Variants in LRRIQ1 observed in about 807,000 individuals in gnomAD.
LRRIQ1 encodes leucine-rich repeat- and IQ domain-containing protein 1.
In LRRIQ1, 210 loss-of-function variants were observed where a neutral mutation model predicts 211.9. The observed-to-expected ratio is 0.99, with a 90% CI of 0.89 to 1.11. The LOEUF is 1.11. LRRIQ1 is among the 50% of genes most tolerant of loss of function. The pLI, the probability that LRRIQ1 is intolerant of heterozygous loss-of-function variation, is 0.00. For synonymous variants in LRRIQ1, 699 were observed against 650.1 expected (o/e 1.08, Z -1.14); for missense variants, 2,136 against 1,939.5 (o/e 1.10, Z -1.90).
intron 24 of LRRIQ1, among the ~76,000 whole-genome samples, chr12:85,216,206 G>A (rs1244279248): frequency 6.6e-6 from 1 of 152,090 alleles, no homozygotes; most frequent in Non-Finnish European, 1.5e-5. Flanking sequence ...GGTGTGTGAT[G>A]TCCCCATCGC....
At chr12:85,153,872 C>A in intron 22 of LRRIQ1, 114 bp downstream of exon 22, 2 of 921,522 alleles carry the variant, frequency 2.2e-6, no homozygotes, top group Non-Finnish European at 3.2e-6. Context: ...ATAAATTGTC[C>A]ATCCAATTTA....
chr12:85,242,314 A>G (rs1895500462), intron 26 of LRRIQ1, among the ~76,000 whole-genome samples: 2 of 151,968 alleles, frequency 1.3e-5, no homozygotes, highest in South Asian at 4.1e-4. Flanking sequence ...ATATTCAAAC[A>G]AACAAAAAAT....
At chr12:85,105,796 A>ATTTTT (rs5799719) in intron 14 of LRRIQ1, among the ~76,000 whole-genome samples, 2 of 127,712 alleles carry the variant, frequency 1.6e-5, no homozygotes, top group African/African-American at 6.0e-5. Flanking sequence ...CTTTCTTTCT[A>ATTTTT]TTTTTTTTTT....
At chr12:85,195,477 T>A (rs1390645973) in intron 24 of LRRIQ1, among the ~76,000 whole-genome samples, 1 of 152,006 alleles carries the variant, frequency 6.6e-6, no homozygotes, top group East Asian at 1.9e-4. Flanking sequence ...TTATCCACCA[T>A]GATCAAGTGG....
intron 9 of LRRIQ1, 45 bp from the exon 10 acceptor site, chr12:85,066,703 A>G (rs1311820437): frequency 6.8e-7 from 1 of 1,475,966 alleles, no homozygotes. Context: ...TAGTTCATTA[A>G]TAAGCCATTG....
chr12:85,101,234 C>A (rs185760231), intron 13 of LRRIQ1, among the ~76,000 whole-genome samples: 1 of 151,664 alleles, frequency 6.6e-6, no homozygotes, highest in East Asian at 1.9e-4. Flanking sequence ...TGCTTTTTTT[C>A]CCAACAAATG....
chr12:85,127,566 CTA>C (rs1455096464), intron 17 of LRRIQ1, among the ~76,000 whole-genome samples: 4 of 152,168 alleles, frequency 2.6e-5, no homozygotes, highest in African/African-American at 9.7e-5. Flanking sequence ...TACAAGATCT[CTA>C]TAAATCTCTC....
chr12:85,052,628 G>T (rs1026937934), intron 7 of LRRIQ1, among the ~76,000 whole-genome samples: 1 of 151,824 alleles, frequency 6.6e-6, no homozygotes, highest in Non-Finnish European at 1.5e-5. Context: ...TGATGTTTTA[G>T]TTTTTATTTA....
chr12:85,232,751 CT>C lies in LRRIQ1; in HGVS notation c.5013del (p.Val1672TrpfsTer5). 1 of 1,611,658 alleles carries C rather than the reference CT, an allele frequency of 6.2e-7. No homozygotes were observed. Among genetic ancestry groups the C allele is most frequent in the Non-Finnish European group, 8.5e-7 (1 of 1,178,330 alleles). ...TGTACTTAATGGTGGAAGAGTTCAG[CT>C]TGTGGTAAGAAATGTGCTTAAAGTT... ...PDVLNGGRVQ[L>X]VARLVSREDT... On this transcript the variant is annotated frameshift_variant, in exon 26 of 27. Coordinates refer to ENST00000393217, the MANE Select transcript of LRRIQ1 (RefSeq NM_001079910.2). LOFTEE classifies it high-confidence loss of function.
At chr12:85,158,311 A>G (rs891223114) in intron 23 of LRRIQ1, among the ~76,000 whole-genome samples, 6 of 151,844 alleles carry the variant, frequency 4.0e-5, no homozygotes, top group Non-Finnish European at 8.8e-5. Flanking sequence ...TCATGTAAAT[A>G]TATGCTTATA....
intron 15 of LRRIQ1, among the ~76,000 whole-genome samples, chr12:85,111,134 G>T (rs773336183): frequency 6.6e-6 from 1 of 152,072 alleles, no homozygotes; most frequent in Non-Finnish European, 1.5e-5. Flanking sequence ...CCTGTATAAT[G>T]TAGGCAGACT....
chr12:85,209,426 A>T (rs1457867446), intron 24 of LRRIQ1, among the ~76,000 whole-genome samples: 1 of 152,182 alleles, frequency 6.6e-6, no homozygotes, highest in Non-Finnish European at 1.5e-5. Context: ...CCATGATTCA[A>T]TTACCTCCCA....
rs1565834052 is a variant in LRRIQ1 at position 85,102,951 on chromosome 12, A to ATATATATATATATATATATATAT, written c.3210-1053_3210-1052insTATATATATATATATATATATAT. On this transcript the variant is annotated intron_variant, in intron 13 of 26. Coordinates refer to ENST00000393217, the MANE Select transcript of LRRIQ1 (RefSeq NM_001079910.2). Reference sequence around the variant, plus strand: ...AGGCTTTTCTAATTGTGGCAAAAAAAAAAAAAAAATATATATATATATATA... The same window carrying ATATATATATATATATATATATAT: ...AGGCTTTTCTAATTGTGGCAAAAAAATATATATATATATATATATATATAAAAAAAAATATATATATATATATA... Among the ~76,000 whole-genome samples the ATATATATATATATATATATATAT allele has an allele frequency of 5.1e-5, 6 of 116,794 alleles. No homozygotes were observed. In the East Asian group the frequency reaches 1.2e-3, roughly 23 times the overall value. The allele number at this position is 116,794 out of a possible 152,430, so 76.6% of individuals were successfully genotyped here. A position where few individuals can be genotyped will look rare whatever the true frequency, so the allele number is the denominator to read the frequency against.
At chr12:85,135,200 G>T (rs918208346) in intron 18 of LRRIQ1, among the ~76,000 whole-genome samples, 2 of 151,692 alleles carry the variant, frequency 1.3e-5, no homozygotes, top group African/African-American at 4.8e-5. Context: ...TGTCCTATAG[G>T]GTTTTCCAAT....
Position 85,056,827 on chromosome 12 carries a change from A to G in LRRIQ1, c.2034A>G (p.Leu678=), listed in dbSNP as rs1881149222. The change falls in exon 8 of 27, where the codon TTA becomes TTG. Residue 678 remains leucine, a synonymous_variant. Coordinates refer to ENST00000393217, the MANE Select transcript of LRRIQ1 (RefSeq NM_001079910.2). ...EGKRNDQDYV[L]GRHAPCEGLS... The stretch of plus-strand genomic sequence containing the variant: ...AAAGAAATGACCAAGATTATGTGTT[A>G]GGTAGACATGCTCCTTGTGAGGGCT... The G allele has an allele frequency of 6.2e-7, 1 of 1,612,788 alleles. No individual in the cohort carries two copies. The highest frequency in any genetic ancestry group is 1.3e-5 in the African/African-American group (1 of 74,848).
intron 10 of LRRIQ1, among the ~76,000 whole-genome samples, chr12:85,068,325 A>AT (rs897282663): frequency 5.3e-5 from 8 of 150,822 alleles, no homozygotes; most frequent in African/African-American, 2.0e-4. Context: ...AATAAGCTTA[A>AT]TTTCTGTGTC....
chr12:85,047,433 T>G lies in LRRIQ1; in HGVS notation c.641T>G (p.Phe214Cys), dbSNP rs756533907. ...AAGCGACATTGCTGGATGAAACAAT[T>G]TAAAGTTGAAAAGAAGAAATTAGAG... is the stretch of plus-strand genomic sequence containing the variant. ...EEKRHCWMKQFKVEKKKLENI... is the reference protein window; with the variant it reads ...EEKRHCWMKQCKVEKKKLENI... The change falls in exon 6 of 27, where the codon TTT becomes TGT. Residue 214 changes from phenylalanine (F) to cysteine (C), a missense_variant. Phe to Cys is a radical substitution (Grantham distance 205). Coordinates refer to ENST00000393217, the MANE Select transcript of LRRIQ1 (RefSeq NM_001079910.2). 1 of 1,613,054 alleles carries G rather than the reference T, an allele frequency of 6.2e-7. No homozygotes were observed. The highest frequency in any genetic ancestry group is 8.5e-7 in the Non-Finnish European group (1 of 1,179,586).
At chr12:85,120,947 T>C (rs1887933195) in intron 15 of LRRIQ1, among the ~76,000 whole-genome samples, 2 of 151,606 alleles carry the variant, frequency 1.3e-5, no homozygotes, top group Non-Finnish European at 2.9e-5. Flanking sequence ...TGTTTGTTTG[T>C]TTGTTTTTTG....
chr12:85,262,891 T>C (rs1896337259), intron 1 of LRRIQ1: 2 of 958,748 alleles, frequency 2.1e-6, no homozygotes, highest in Non-Finnish European at 2.5e-6. Flanking sequence ...TCAGTGAAAG[T>C]GTATATTTAA....
Sources: gnomAD v4.1 joint callset for allele counts (sites outside exome capture counted in the v4.1 genomes callset) on GRCh38, gnomAD v4.1.1 for gene constraint, MANE v1.5 for transcripts, NCBI Gene and HGNC (gene_info 2026-07-23, HGNC 2026-07-21) for gene names.